The following RUFY1 variants were observed in gnomAD, a reference collection of about 807,000 sequenced individuals.
RUFY1 encodes RUN and FYVE domain-containing protein 1.
RUFY1 carries 54 observed loss-of-function variants against 94.6 expected under a neutral mutation model. That is an observed-to-expected ratio of 0.57 (90% CI 0.46 to 0.72). The LOEUF is 0.72. RUFY1 is among the 30% of genes least tolerant of loss of function. The pLI is 0.00. For synonymous variants in RUFY1, 396 were observed against 347.3 expected, an observed-to-expected ratio of 1.14 and a Z score of -1.56; for missense variants, 883 against 883.9, an observed-to-expected ratio of 1.00 and a Z score of 0.01.
chr5:179,571,932 T>C (rs1763254912), intron 5 of RUFY1, among the ~76,000 whole-genome samples: 1 of 152,238 alleles, frequency 6.6e-6, no homozygotes, highest in Admixed American at 6.5e-5. Context: ...AAATTTTTTT[T>C]CTGGTTTCTC....
intron 16 of RUFY1, 199 bp downstream of exon 16, chr5:179,606,123 C>T (rs894630336): frequency 5.1e-6 from 3 of 591,262 alleles, no homozygotes; most frequent in East Asian, 2.8e-5. Context: ...CGAAGCTGAG[C>T]CTAGGTCTTC....
At chr5:179,582,884 A>G (rs1764271400) in intron 7 of RUFY1, among the ~76,000 whole-genome samples, 1 of 152,014 alleles carries the variant, frequency 6.6e-6, no homozygotes, top group Non-Finnish European at 1.5e-5. Context: ...GACTTGCTGA[A>G]ATTTTATAGT....
intron 3 of RUFY1, among the ~76,000 whole-genome samples, chr5:179,566,685 C>G (rs1762856933): frequency 6.6e-6 from 1 of 150,584 alleles, no homozygotes; most frequent in South Asian, 2.1e-4. Context: ...CACTACTTAA[C>G]TGTAAGATTA....
At chr5:179,579,654 CTTCTTTTT>C (rs1308503381) in intron 6 of RUFY1, among the ~76,000 whole-genome samples, 5 of 38,638 alleles carry the variant, frequency 1.3e-4, no homozygotes, top group African/African-American at 4.1e-4. Context: ...CCCTTTTCTT[CTTCTTTTT>C]TTTTTTTTTT....
chr5:179,580,889 T>G, intron 6 of RUFY1, 58 bp from the exon 7 acceptor site: 1 of 947,594 alleles, frequency 1.1e-6, no homozygotes, highest in Non-Finnish European at 1.7e-6. Context: ...GGGGAACAGT[T>G]ACAAAGTATT....
chr5:179,607,751 G>A, intron 17 of RUFY1, 92 bp downstream of exon 17: 1 of 1,111,350 alleles, frequency 9.0e-7, no homozygotes, highest in Admixed American at 1.9e-5. Flanking sequence ...TATCAGAGCA[G>A]GCTCACTGCC....
chr5:179,589,062 G>A (rs1764833284), intron 8 of RUFY1, among the ~76,000 whole-genome samples: 1 of 151,386 alleles, frequency 6.6e-6, no homozygotes, highest in Non-Finnish European at 1.5e-5. Flanking sequence ...TTTTAACCTA[G>A]TTGATTTTTT....
rs532320692 is a variant in RUFY1, at chr5:179,560,458, G to A, written c.484+260G>A. Among the ~76,000 whole-genome samples the A allele has an allele frequency of 6.6e-5, 10 of 152,164 alleles. No homozygotes were observed. In the East Asian group the frequency reaches 1.9e-3, roughly 29 times the overall value. ...GATGAGGCTGGGCGCGGTGGCTCAC[G>A]CCTGTAATCCCAGCACTTTGGGAGG... On this transcript the variant is annotated intron_variant, in intron 2 of 17. Coordinates refer to ENST00000319449, the MANE Select transcript of RUFY1 (RefSeq NM_025158.5).
At chr5:179,573,870 T>C (rs180959343) in intron 5 of RUFY1, among the ~76,000 whole-genome samples, 2 of 152,302 alleles carry the variant, frequency 1.3e-5, no homozygotes, top group East Asian at 3.9e-4. Context: ...TCAGATACTT[T>C]TTTTGGATCT....
At chr5:179,587,507 T>C (rs145547197) in intron 8 of RUFY1, among the ~76,000 whole-genome samples, 5,364 of 146,962 alleles carry the variant, frequency 0.036, 151 homozygotes, top group Non-Finnish European at 0.059. Context: ...TTCTCCTGCC[T>C]CAGCCTCCCG....
In RUFY1 at chr5:179,609,613, A is replaced by G; in HGVS notation, c.*94A>G. On this transcript the variant is annotated 3_prime_UTR_variant, in exon 18 of 18. Coordinates refer to ENST00000319449, the MANE Select transcript of RUFY1 (RefSeq NM_025158.5). Reference sequence around the variant, plus strand: ...ATGTGTTCTTTCCCAAGAGTATCAAAGGAAAGAATCAAATTTCTTGCCCGG... The same window carrying G: ...ATGTGTTCTTTCCCAAGAGTATCAAGGGAAAGAATCAAATTTCTTGCCCGG... 1 of 1,248,944 alleles carries G rather than the reference A, an allele frequency of 8.0e-7. No homozygotes were observed. The highest frequency in any genetic ancestry group is 1.1e-6 in the Non-Finnish European group (1 of 934,652). 77.4% of individuals were successfully genotyped at this position (1,248,944 alleles called of 1,614,324 possible).
At chr5:179,579,987 G>A (rs1253169125) in intron 6 of RUFY1, among the ~76,000 whole-genome samples, 1 of 151,742 alleles carries the variant, frequency 6.6e-6, no homozygotes, top group African/African-American at 2.4e-5. Flanking sequence ...TACTTTTAAT[G>A]TCAAAAGCTG....
At chr5:179,579,117 G>T (rs1392543005) in intron 6 of RUFY1, among the ~76,000 whole-genome samples, 2 of 152,030 alleles carry the variant, frequency 1.3e-5, no homozygotes, top group Non-Finnish European at 2.9e-5. Flanking sequence ...ATTTCACCTT[G>T]CGCATATGTT....
intron 16 of RUFY1, 49 bp downstream of exon 16, chr5:179,605,973 G>A (rs774687924): frequency 1.2e-4 from 148 of 1,263,020 alleles, no homozygotes; most frequent in Non-Finnish European, 1.6e-4. Flanking sequence ...TGTGCTGACT[G>A]CCCGTGTGCT....
chr5:179,566,685 C>T (rs1762856933), intron 3 of RUFY1, among the ~76,000 whole-genome samples: 1 of 150,584 alleles, frequency 6.6e-6, no homozygotes, highest in South Asian at 2.1e-4. Context: ...CACTACTTAA[C>T]TGTAAGATTA....
chr5:179,562,625 C>G lies in RUFY1; in HGVS notation c.563C>G (p.Ser188Ter). ...ELVEKLCPEA[S>*]DIATSVRNLP... ...GTGGAGAAACTTTGTCCAGAAGCAT[C>G]AGATATAGCGACTAGTGTCAGAAAT... Residue 188 changes from serine (S) to a stop codon, truncating the protein, a stop_gained, in exon 3 of 18, where the codon TCA (serine) becomes TGA (stop). Transcript: ENST00000319449. LOFTEE classifies it high-confidence loss of function. 6.2e-7 allele frequency: 1 copy of G among 1,603,870 alleles called. No homozygotes were observed. Among genetic ancestry groups the G allele is most frequent in the Non-Finnish European group, 8.5e-7 (1 of 1,170,732 alleles).
At chr5:179,608,710 G>A (rs1242806175) in intron 17 of RUFY1, 7 of 824,284 alleles carry the variant, frequency 8.5e-6, no homozygotes, top group Admixed American at 6.3e-5. Flanking sequence ...GGTGGATCAC[G>A]AGGTCAGAAG....
chr5:179,591,247 C>T (rs1189888237), intron 9 of RUFY1, among the ~76,000 whole-genome samples: 4 of 151,484 alleles, frequency 2.6e-5, no homozygotes, highest in South Asian at 2.1e-4. Context: ...TGCAATGGCA[C>T]GATCTTGGCT....
intron 17 of RUFY1, among the ~76,000 whole-genome samples, chr5:179,608,021 A>G (rs904884015): frequency 1.3e-5 from 2 of 152,176 alleles, no homozygotes; most frequent in South Asian, 2.1e-4. Flanking sequence ...GGCAAAAACA[A>G]TCTATGGGGA....
Sources: gnomAD v4.1 joint callset for allele counts (sites outside exome capture counted in the v4.1 genomes callset) on GRCh38, gnomAD v4.1.1 for gene constraint, MANE v1.5 for transcripts, NCBI Gene and HGNC (gene_info 2026-07-23, HGNC 2026-07-21) for gene names.